Variants in CTNNA2 observed in about 807,000 individuals in gnomAD.
CTNNA2 encodes catenin alpha 2, also known as catenin alpha-2.
Under a neutral mutation model 101.0 loss-of-function variants are expected in CTNNA2, and 42 were observed. That is an observed-to-expected ratio of 0.42 (90% CI 0.32 to 0.54). The LOEUF is 0.54. Ranked by LOEUF, CTNNA2 falls within the 20% of genes least tolerant of loss-of-function variation. The probability of loss-of-function intolerance (pLI) is 0.14; values close to 1 mark genes in which losing one functional copy is unlikely to be tolerated. For synonymous variants in CTNNA2, 450 were observed against 456.4 expected, an observed-to-expected ratio of 0.99 and a Z score of 0.18; for missense variants, 871 against 1,223.1, an observed-to-expected ratio of 0.71 and a Z score of 4.29.
At chr2:80,523,314 G>A (rs769185964) in intron 9 of CTNNA2, among the ~76,000 whole-genome samples, 4 of 152,082 alleles carry the variant, frequency 2.6e-5, no homozygotes, top group African/African-American at 7.2e-5. Flanking sequence ...AGTCGGTCCC[G>A]GTGCATGGAG....
intron 7 of CTNNA2, among the ~76,000 whole-genome samples, chr2:79,959,114 C>T (rs1689451682): frequency 6.6e-6 from 1 of 150,840 alleles, no homozygotes; most frequent in African/African-American, 2.4e-5. Flanking sequence ...GTAGTGTGAT[C>T]ACAGCTCACT....
At chr2:79,557,256 G>T (rs1674504004) in intron 1 of CTNNA2, among the ~76,000 whole-genome samples, 1 of 151,918 alleles carries the variant, frequency 6.6e-6, no homozygotes, top group African/African-American at 2.4e-5. Context: ...AGAGTTCAGG[G>T]CCTAAGGTGG....
chr2:80,559,637 A>C (rs1277903698), intron 12 of CTNNA2, among the ~76,000 whole-genome samples: 2 of 152,132 alleles, frequency 1.3e-5, no homozygotes, highest in Non-Finnish European at 2.9e-5. Context: ...TTACCTGTTC[A>C]TTTTCTATAA....
chr2:79,256,278 C>T (rs1188573049), intron 2 of CTNNA2, among the ~76,000 whole-genome samples: 1 of 152,106 alleles, frequency 6.6e-6, no homozygotes, highest in African/African-American at 2.4e-5. Flanking sequence ...CACCTCACCC[C>T]GACAACTCCA....
At chr2:80,192,661 G>A (rs1450975238) in intron 7 of CTNNA2, among the ~76,000 whole-genome samples, 1 of 152,118 alleles carries the variant, frequency 6.6e-6, no homozygotes, top group Non-Finnish European at 1.5e-5. Context: ...CGAGTAGCTA[G>A]GGTTACGGCA....
At chr2:79,609,309 C>A (rs1573468564) in intron 1 of CTNNA2, among the ~76,000 whole-genome samples, 2 of 151,854 alleles carry the variant, frequency 1.3e-5, no homozygotes, top group South Asian at 4.2e-4. Context: ...TTTAAATTTT[C>A]TGTAAAAAAC....
chr2:79,998,337 G>A (rs1375325807), intron 7 of CTNNA2, among the ~76,000 whole-genome samples: 1 of 152,164 alleles, frequency 6.6e-6, no homozygotes, highest in East Asian at 1.9e-4. Context: ...TTGAAATACT[G>A]TGGTTCATAA....
At chr2:80,484,955 G>C (rs143042682) in intron 9 of CTNNA2, among the ~76,000 whole-genome samples, 2 of 152,078 alleles carry the variant, frequency 1.3e-5, no homozygotes, top group Non-Finnish European at 2.9e-5. Context: ...GCAGTGAGCC[G>C]AGACTGTGCC....
At chr2:79,371,155 C>A (rs963290878) in intron 3 of CTNNA2, among the ~76,000 whole-genome samples, 1 of 151,916 alleles carries the variant, frequency 6.6e-6, no homozygotes, top group Non-Finnish European at 1.5e-5. Context: ...GGGGAGGGGT[C>A]TGGTGCCTTC....
At chr2:79,974,456 T>G (rs1223219019) in intron 7 of CTNNA2, among the ~76,000 whole-genome samples, 4 of 152,192 alleles carry the variant, frequency 2.6e-5, no homozygotes, top group African/African-American at 2.4e-5. Context: ...ATTGACGTAC[T>G]TACTTCTGCT....
chr2:79,768,889 C>T (rs1673363839), intron 3 of CTNNA2, among the ~76,000 whole-genome samples: 2 of 152,134 alleles, frequency 1.3e-5, no homozygotes, highest in African/African-American at 4.8e-5. Flanking sequence ...GAGTCTCACT[C>T]TGTCGCCCAG....
chr2:80,024,682 CA>C (rs1300303551), intron 7 of CTNNA2, among the ~76,000 whole-genome samples: 1 of 152,168 alleles, frequency 6.6e-6, no homozygotes, highest in Non-Finnish European at 1.5e-5. Context: ...AACTGTGTTG[CA>C]ATGCTCTTTT....
At chr2:79,647,806 GT>G (rs2104454997) in intron 1 of CTNNA2, among the ~76,000 whole-genome samples, 1 of 152,312 alleles carries the variant, frequency 6.6e-6, no homozygotes, top group African/African-American at 2.4e-5. Flanking sequence ...TGTGTTGATG[GT>G]TTGGTTGGGA....
intron 3 of CTNNA2, among the ~76,000 whole-genome samples, chr2:79,836,348 T>C (rs1402465859): frequency 1.3e-5 from 2 of 152,210 alleles, no homozygotes; most frequent in Admixed American, 6.5e-5. Context: ...CTCAAAGTCT[T>C]GTGGAACATC....
At chr2:79,321,852 C>A (rs902161198) in intron 3 of CTNNA2, among the ~76,000 whole-genome samples, 23 of 152,064 alleles carry the variant, frequency 1.5e-4, no homozygotes, top group Non-Finnish European at 1.2e-4. Flanking sequence ...CAAACACACA[C>A]ATTCTCAGAG....
intron 9 of CTNNA2, among the ~76,000 whole-genome samples, chr2:80,520,711 T>C (rs563858596): frequency 6.6e-6 from 1 of 152,288 alleles, no homozygotes; most frequent in East Asian, 1.9e-4. Flanking sequence ...CACCTCTAAA[T>C]ATCATCACAT....
chr2:79,564,935 G>T lies in CTNNA2; in HGVS notation c.-6+51728G>T, dbSNP rs566093237. Among the ~76,000 whole-genome samples, 4 of 151,990 alleles carry T rather than the reference G, an allele frequency of 2.6e-5. No individual in the cohort carries two copies. In the South Asian group the frequency reaches 8.3e-4, roughly 32 times the overall value. On this transcript the variant is annotated intron_variant, in intron 1 of 18. Coordinates refer to ENST00000402739, the MANE Select transcript of CTNNA2 (RefSeq NM_001282597.3). The stretch of plus-strand genomic sequence containing the variant: ...ATTAAGCACTGTTTTATTTACTTGC[G>T]TTCTGTTTATTTTCTGCCTCTCTCA...
intron 1 of CTNNA2, among the ~76,000 whole-genome samples, chr2:79,192,254 T>C (rs1393735484): frequency 1.3e-5 from 2 of 152,162 alleles, no homozygotes; most frequent in African/African-American, 4.8e-5. Flanking sequence ...TTTGTTCACT[T>C]GGTCAGGGGA....
intron 3 of CTNNA2, among the ~76,000 whole-genome samples, chr2:79,750,378 AG>A (rs1463753462): frequency 6.6e-6 from 1 of 152,174 alleles, no homozygotes; most frequent in Non-Finnish European, 1.5e-5. Flanking sequence ...CCAGGCTTCA[AG>A]ATGTTTATAG....
Sources: allele counts gnomAD v4.1 joint callset (sites outside exome capture counted in the v4.1 genomes callset), GRCh38; gene constraint gnomAD v4.1.1; transcripts MANE v1.5; gene names NCBI Gene and HGNC (gene_info 2026-07-23, HGNC 2026-07-21).